CATSPERG: variants seen among roughly 807,000 people sequenced by gnomAD.
CATSPERG encodes cation channel sperm-associated auxiliary subunit gamma.
A neutral mutation model predicts 145.0 loss-of-function variants in CATSPERG; 115 were observed. The observed-to-expected ratio is 0.79, with a 90% CI of 0.68 to 0.93. The LOEUF is 0.93. Ranked by LOEUF, CATSPERG falls within the 40% of genes least tolerant of loss-of-function variation. The pLI is 0.00. For missense variants in CATSPERG, 1,296 were observed against 1,490.1 expected (o/e 0.87, Z 2.14); for synonymous variants, 588 against 589.0 (o/e 1.00, Z 0.02).
rs185050148 is a variant in CATSPERG at position 38,354,528 on chromosome 19, A to C, written c.998-182A>C. On this transcript the variant is annotated intron_variant, in intron 8 of 28. Transcript: ENST00000409235. ...TGACCCTCATGGACAGAGTGTGAGCAAGGAGGATTTTCTCAAAGGCAGCGG... is the reference window on the plus strand; with the variant it reads ...TGACCCTCATGGACAGAGTGTGAGCCAGGAGGATTTTCTCAAAGGCAGCGG... Among the ~76,000 whole-genome samples, 70 of 152,286 alleles carry C rather than the reference A, an allele frequency of 4.6e-4. 1 individual carries two copies. The highest frequency in any genetic ancestry group is 1.6e-3 in the African/African-American group (67 of 41,552).
intron 8 of CATSPERG, 108 bp from the exon 9 acceptor site, chr19:38,354,602 G>C (rs905462432): frequency 7.5e-7 from 1 of 1,337,020 alleles, no homozygotes; most frequent in African/African-American, 1.5e-5. Flanking sequence ...GGGTGCTTCA[G>C]CATGAGAGGA....
At chr19:38,336,304 A>C (rs1386131876) in intron 1 of CATSPERG, 2 of 428,700 alleles carry the variant, frequency 4.7e-6, no homozygotes, top group African/African-American at 2.1e-5. Flanking sequence ...GCGAAGAGAC[A>C]GTTTTCATCG....
intron 1 of CATSPERG, 44 bp from the exon 2 acceptor site, chr19:38,337,177 A>G (rs1969855375): frequency 6.5e-7 from 1 of 1,538,550 alleles, no homozygotes; most frequent in African/African-American, 1.4e-5. Context: ...AGTGGGCTCC[A>G]GAGAGCTGTC....
chr19:38,361,888 G>C, intron 17 of CATSPERG, 27 bp downstream of exon 17: 1 of 1,575,544 alleles, frequency 6.3e-7, no homozygotes, highest in Non-Finnish European at 8.6e-7. Context: ...GGGCGGGCAG[G>C]CCTGAGACGG....
At chr19:38,342,307 T>G (rs1280474654) in intron 3 of CATSPERG, among the ~76,000 whole-genome samples, 1 of 151,210 alleles carries the variant, frequency 6.6e-6, no homozygotes, top group Non-Finnish European at 1.5e-5. Flanking sequence ...AATTAAACAG[T>G]TTTCAAAGAA....
At chr19:38,365,305 T>G in intron 22 of CATSPERG, 188 bp downstream of exon 22, 1 of 599,164 alleles carries the variant, frequency 1.7e-6, no homozygotes, top group Non-Finnish European at 2.9e-6. Flanking sequence ...AAGACGGAGT[T>G]TCACTCTTGT....
chr19:38,337,917 A>G (rs1485525882), intron 3 of CATSPERG: 2 of 307,876 alleles, frequency 6.5e-6, no homozygotes, highest in South Asian at 3.4e-5. Flanking sequence ...GGGTTTCACC[A>G]CGTTGCCCAG....
Position 38,344,010 on chromosome 19 carries a change from GAAGTGTGTAGC to G in CATSPERG, c.489_499del (p.Glu163AspfsTer32). On this transcript the variant is annotated frameshift_variant, in exon 5 of 29. Transcript: ENST00000409235. LOFTEE classifies it high-confidence loss of function. ...CCCTGCAGAGCCATGCATGGCAGAA[GAAGTGTGTAGC>G]ATGAGCTGGTACACGCCCATGCCCA... 1 of 1,550,988 alleles carries G rather than the reference GAAGTGTGTAGC, an allele frequency of 6.4e-7. No individual in the cohort carries two copies. Among genetic ancestry groups the G allele is most frequent in the Non-Finnish European group, 8.7e-7 (1 of 1,146,900 alleles).
intron 11 of CATSPERG, among the ~76,000 whole-genome samples, chr19:38,357,779 C>T (rs545143904): frequency 7.9e-5 from 12 of 152,282 alleles, no homozygotes; most frequent in Admixed American, 5.9e-4. Flanking sequence ...TGGTGAAACC[C>T]TGTCTCTACT....
chr19:38,355,425 A>C (rs1338469209), intron 9 of CATSPERG, among the ~76,000 whole-genome samples: 1 of 151,784 alleles, frequency 6.6e-6, no homozygotes. Context: ...AGCTGGGCAC[A>C]GTGGCTCATG....
chr19:38,347,280 A>AG (rs1340596189), intron 7 of CATSPERG, among the ~76,000 whole-genome samples: 1 of 152,216 alleles, frequency 6.6e-6, no homozygotes, highest in Non-Finnish European at 1.5e-5. Flanking sequence ...CAGGAGGCTG[A>AG]GGCAGGAGAA....
chr19:38,361,616 G>A, intron 16 of CATSPERG, 32 bp from the exon 17 acceptor site: 2 of 1,576,176 alleles, frequency 1.3e-6, no homozygotes, highest in Non-Finnish European at 8.6e-7. Context: ...GTGCCTTAGA[G>A]CCAGCAGCCT....
In CATSPERG at chr19:38,358,268, C is replaced by G; in HGVS notation, c.1316-10C>G. On this transcript the variant is annotated splice_polypyrimidine_tract_variant and intron_variant, in intron 11 of 28. Transcript: ENST00000409235. ...CTCAGGAGATTTTGCTGTGTTCTCC[C>G]CACCTGTAGCTAGTGATGACCTGGA... The G allele has an allele frequency of 1.9e-6, 3 of 1,614,122 alleles. No individual in the cohort carries two copies. Among genetic ancestry groups the G allele is most frequent in the South Asian group, 2.2e-5 (2 of 91,088 alleles).
In CATSPERG at chr19:38,344,281, T is replaced by G; in HGVS notation, c.597-15T>G. The G allele has an allele frequency of 1.3e-6, 2 of 1,551,420 alleles. No homozygotes were observed. Among genetic ancestry groups the G allele is most frequent in the Non-Finnish European group, 1.7e-6 (2 of 1,146,796 alleles). ...ACTGGGACCTCACCTGCGCCTATTCTGCACCTGCTGCTAGGTTCCAGATGA... is the reference window on the plus strand; with the variant it reads ...ACTGGGACCTCACCTGCGCCTATTCGGCACCTGCTGCTAGGTTCCAGATGA... On this transcript the variant is annotated splice_polypyrimidine_tract_variant and intron_variant, in intron 5 of 28. Transcript: ENST00000409235.
chr19:38,367,366 C>A, intron 23 of CATSPERG, 54 bp downstream of exon 23: 1 of 1,584,530 alleles, frequency 6.3e-7, no homozygotes, highest in Non-Finnish European at 8.6e-7. Context: ...GCCCCCACTA[C>A]TTTGTGCTCT....
Position 38,344,899 on chromosome 19 carries a change from A to ATTTT in CATSPERG, c.669+532_669+533insTTTT, listed in dbSNP as rs1457655650. On this transcript the variant is annotated intron_variant, in intron 6 of 28. Transcript: ENST00000409235. ...CACACACACATATATATATATATAT[A>ATTTT]TATTTTTTTTTTTTTTTTTTTTTTT... is the stretch of plus-strand genomic sequence containing the variant. Among the ~76,000 whole-genome samples the ATTTT allele has an allele frequency of 6.4e-4, 60 of 93,054 alleles. 8 individuals are homozygous for ATTTT. Among genetic ancestry groups the ATTTT allele is most frequent in the African/African-American group, 1.7e-3 (41 of 24,340 alleles). 61.0% of individuals were successfully genotyped at this position (93,054 alleles called of 152,430 possible). A position where few individuals can be genotyped will look rare whatever the true frequency, so the allele number is the denominator to read the frequency against.
rs1970050168 is a variant in CATSPERG, at chr19:38,346,861, A to G, written c.825+256A>G. On this transcript the variant is annotated intron_variant, in intron 7 of 28. Transcript: ENST00000409235. ...ACCCGGTCTTCAGATTCCCATTTGT[A>G]ACATGGGAGTAATATTTATATTTAC... 2.0e-5 allele frequency among the ~76,000 whole-genome samples: 3 copies of G among 152,200 alleles called. No individual in the cohort carries two copies. The South Asian group carries it at 6.2e-4, about 32-fold the overall frequency.
At chr19:38,364,120 G>C (rs966348025) in intron 20 of CATSPERG, among the ~76,000 whole-genome samples, 1 of 151,794 alleles carries the variant, frequency 6.6e-6, no homozygotes, top group Non-Finnish European at 1.5e-5. Flanking sequence ...CCTCCCGGAC[G>C]GGGCGGCTGG....
chr19:38,363,548 G>A (rs1031132429), intron 20 of CATSPERG, among the ~76,000 whole-genome samples: 6 of 150,830 alleles, frequency 4.0e-5, no homozygotes, highest in African/African-American at 1.5e-4. Context: ...AATAGTGGAG[G>A]GAAGGTCAGC....
Sources: gnomAD v4.1 joint callset for allele counts (sites outside exome capture counted in the v4.1 genomes callset) on GRCh38, gnomAD v4.1.1 for gene constraint, MANE v1.5 for transcripts, NCBI Gene and HGNC (gene_info 2026-07-23, HGNC 2026-07-21) for gene names.